The following VWA2 variants were observed in gnomAD, a reference collection of about 807,000 sequenced individuals.
VWA2 encodes the protein von Willebrand factor A domain containing 2.
A neutral mutation model predicts 70.4 loss-of-function variants in VWA2; 73 were observed. The observed-to-expected ratio is 1.04, with a 90% CI of 0.86 to 1.26. The LOEUF is 1.26. Ranked by LOEUF, VWA2 falls within the 50% of genes most tolerant of loss-of-function variation. The probability of loss-of-function intolerance (pLI) is 0.00; values close to 1 mark genes in which losing one functional copy is unlikely to be tolerated. For missense variants in VWA2, 1,011 were observed against 998.5 expected (o/e 1.01, Z -0.17); for synonymous variants, 407 against 423.3 (o/e 0.96, Z 0.47).
rs2037066049 is a variant in VWA2 at position 114,246,294 on chromosome 10, A to G, written c.-10-2410A>G. The G allele has an allele frequency of 7.9e-6, 5 of 628,950 alleles. No individual in the cohort carries two copies. The African/African-American group carries it at 9.0e-5, about 11-fold the overall frequency. The allele number at this position is 628,950 out of a possible 1,614,324, so 39.0% of individuals were successfully genotyped here. ...GGCGGTCGTATCACCTGAGGTCAGGAGTTCAAGACCAGCCTGATCAACATG... is the reference window on the plus strand; with the variant it reads ...GGCGGTCGTATCACCTGAGGTCAGGGGTTCAAGACCAGCCTGATCAACATG... On this transcript the variant is annotated intron_variant, in intron 1 of 13. Coordinates refer to ENST00000392982, the MANE Select transcript of VWA2 (RefSeq NM_001272046.2).
intron 1 of VWA2, among the ~76,000 whole-genome samples, chr10:114,245,291 A>C (rs2037046858): frequency 6.6e-6 from 1 of 152,192 alleles, no homozygotes; most frequent in Non-Finnish European, 1.5e-5. Context: ...GTCTCATAGC[A>C]CGGAGGGAAG....
chr10:114,256,591 C>T (rs2133313278), intron 4 of VWA2, among the ~76,000 whole-genome samples: 1 of 152,202 alleles, frequency 6.6e-6, no homozygotes, highest in South Asian at 2.1e-4. Context: ...TTTTGAATCA[C>T]GTGAACCTAC....
At position 114,282,017 on chromosome 10, in the gene VWA2, C is replaced by CTTTTTTTTTTT. The variant is rs144974085; in HGVS notation, c.834-489_834-488insTTTTTTTTTTT. Among the ~76,000 whole-genome samples the CTTTTTTTTTTT allele has an allele frequency of 2.1e-4, 25 of 119,694 alleles. 3 individuals are homozygous for CTTTTTTTTTTT. Among genetic ancestry groups the CTTTTTTTTTTT allele is most frequent in the East Asian group, 8.0e-4 (3 of 3,748 alleles). 78.5% of individuals were successfully genotyped at this position (119,694 alleles called of 152,430 possible). A position where few individuals can be genotyped will look rare whatever the true frequency, so the allele number is the denominator to read the frequency against. On this transcript the variant is annotated intron_variant, in intron 8 of 13. Coordinates refer to ENST00000392982, the MANE Select transcript of VWA2 (RefSeq NM_001272046.2). ...AAATGTGATAGCCAGCTTATGTTAC[C>CTTTTTTTTTTT]TTTTTTTTTTGAGATGGAGTCTTAC...
intron 1 of VWA2, among the ~76,000 whole-genome samples, chr10:114,247,223 A>G (rs1217875404): frequency 6.6e-6 from 1 of 151,214 alleles, no homozygotes; most frequent in Admixed American, 6.6e-5. Flanking sequence ...ACAGATTTGT[A>G]TTTGTTCTCT....
intron 4 of VWA2, among the ~76,000 whole-genome samples, chr10:114,257,716 A>AC (rs2133317483): frequency 6.6e-6 from 1 of 152,284 alleles, no homozygotes; most frequent in African/African-American, 2.4e-5. Flanking sequence ...GTGTAAGAAA[A>AC]CCGTGACAAG....
At position 114,244,100 on chromosome 10, in the gene VWA2, T is replaced by A. The variant is rs553794786; in HGVS notation, c.-11+4531T>A. ...TCTGTTCCAGCCCCTGGCTTGCAGA[T>A]CACTCCCAACTACTTTGTAGGAAGC... On this transcript the variant is annotated intron_variant, in intron 1 of 13. Transcript: ENST00000392982. Among the ~76,000 whole-genome samples, 4 of 152,326 alleles carry A rather than the reference T, an allele frequency of 2.6e-5. No homozygotes were observed. The South Asian group carries it at 8.3e-4, about 32-fold the overall frequency.
At position 114,293,304 on chromosome 10, in the gene VWA2, G is replaced by A. The variant is rs996928295; in HGVS notation, c.*2067G>A. On this transcript the variant is annotated 3_prime_UTR_variant, in exon 14 of 14. Transcript: ENST00000392982. ...GTGATGTCATAGAAATTACATGAAT[G>A]CATTGTCTTTAAATAGCAGTTTAAC... Among the ~76,000 whole-genome samples, 1 of 152,202 alleles carries A rather than the reference G, an allele frequency of 6.6e-6. No homozygotes were observed. The highest frequency in any genetic ancestry group is 2.4e-5 in the African/African-American group (1 of 41,452).
intron 4 of VWA2, among the ~76,000 whole-genome samples, chr10:114,259,672 T>C (rs908102552): frequency 2.6e-5 from 4 of 152,226 alleles, no homozygotes; most frequent in Non-Finnish European, 5.9e-5. Flanking sequence ...TAGATTGCTC[T>C]CCAGTTGTCC....
chr10:114,270,606 G>GA (rs142085885), intron 5 of VWA2, among the ~76,000 whole-genome samples: 315 of 152,206 alleles, frequency 2.1e-3, no homozygotes, highest in African/African-American at 7.1e-3. Flanking sequence ...TTATCCTTTA[G>GA]AAATGGAAGC....
At chr10:114,282,748 G>T (rs1308174459) in intron 9 of VWA2, among the ~76,000 whole-genome samples, 177 bp downstream of exon 9, 2 of 152,212 alleles carry the variant, frequency 1.3e-5, no homozygotes, top group African/African-American at 2.4e-5. Flanking sequence ...AATGGTGTTT[G>T]CTCATTAAGA....
rs200721571 is a variant in VWA2 at position 114,285,934 on chromosome 10, C to T, written c.998-5C>T. 3,289 of 1,582,460 alleles carry T rather than the reference C, an allele frequency of 2.1e-3. 8 individuals are homozygous for T. The highest frequency in any genetic ancestry group is 2.1e-3 in the Non-Finnish European group (2,480 of 1,160,444). On this transcript the variant is annotated splice_region_variant and splice_polypyrimidine_tract_variant and intron_variant, in intron 10 of 13. Coordinates refer to ENST00000392982, the MANE Select transcript of VWA2 (RefSeq NM_001272046.2). ...TGACAGTGGGTGTTGCTGTGATCCC[C>T]GCAGCCCTGAAGCTGAGCCTGGAAT...
chr10:114,290,104 C>A, intron 12 of VWA2, 136 bp from the exon 13 acceptor site: 1 of 1,231,692 alleles, frequency 8.1e-7, no homozygotes, highest in Non-Finnish European at 1.1e-6. Context: ...GTATGCAGCA[C>A]CAACCATGAG....
chr10:114,282,800 G>T (rs892410259), intron 9 of VWA2, among the ~76,000 whole-genome samples: 2 of 152,226 alleles, frequency 1.3e-5, no homozygotes, highest in African/African-American at 4.8e-5. Flanking sequence ...AACCAGTGTT[G>T]TGTGCATTGG....
At chr10:114,273,041 C>T (rs2037747430) in intron 6 of VWA2, 107 bp downstream of exon 6, 2 of 921,068 alleles carry the variant, frequency 2.2e-6, no homozygotes, top group African/African-American at 1.7e-5. Flanking sequence ...CCAGGTCCTT[C>T]CCTGGATCTG....
chr10:114,242,568 G>A (rs868218287), intron 1 of VWA2, among the ~76,000 whole-genome samples: 1 of 148,142 alleles, frequency 6.8e-6, no homozygotes, highest in African/African-American at 2.6e-5. Context: ...GTGCCTCTGC[G>A]TACTGGTGCC....
chr10:114,246,561 T>C (rs2037077506), intron 1 of VWA2: 5 of 1,106,640 alleles, frequency 4.5e-6, no homozygotes, highest in Non-Finnish European at 6.9e-6. Flanking sequence ...TCCCTGACTG[T>C]AACAGAGGGA....
chr10:114,241,386 G>T (rs1406208012), intron 1 of VWA2, among the ~76,000 whole-genome samples: 1 of 152,108 alleles, frequency 6.6e-6, no homozygotes, highest in East Asian at 1.9e-4. Context: ...TACAACACAT[G>T]GTAATCACTG....
At position 114,289,275 on chromosome 10, in the gene VWA2, G is replaced by T. The variant is rs1327688138; in HGVS notation, c.1908G>T (p.Val636=). The change falls in exon 12 of 14, where the codon GTG becomes GTT. Residue 636 remains valine (V), a synonymous_variant. Transcript: ENST00000392982. ...RGARPGVPKA[V]VVLTGGRGAE... is the part of the protein sequence containing the mutation. ...CCCGGCCTGGTGTCCCCAAAGCTGT[G>T]GTGGTGCTCACAGGCGGGAGAGGCG... is the stretch of plus-strand genomic sequence containing the variant. The T allele has an allele frequency of 1.2e-6, 2 of 1,614,074 alleles. No individual in the cohort carries two copies. Among genetic ancestry groups the T allele is most frequent in the Admixed American group, 1.7e-5 (1 of 59,996 alleles).
At chr10:114,272,355 A>T (rs2037727551) in intron 5 of VWA2, among the ~76,000 whole-genome samples, 1 of 152,154 alleles carries the variant, frequency 6.6e-6, no homozygotes, top group South Asian at 2.1e-4. Flanking sequence ...TCCTAAGCTC[A>T]TTATCTGCTT....
Sources: gnomAD v4.1 joint callset for allele counts (sites outside exome capture counted in the v4.1 genomes callset) on GRCh38, gnomAD v4.1.1 for gene constraint, MANE v1.5 for transcripts, NCBI Gene and HGNC (gene_info 2026-07-23, HGNC 2026-07-21) for gene names.